MAP3K5: variants seen among roughly 807,000 people sequenced by gnomAD.
The protein encoded by MAP3K5 is mitogen-activated protein kinase kinase kinase 5.
A neutral mutation model predicts 158.7 loss-of-function variants in MAP3K5; 56 were observed. The ratio of observed to expected loss-of-function variants is 0.35; its 90% confidence interval spans 0.28 to 0.44. The LOEUF (loss-of-function observed/expected upper bound fraction) is 0.44. MAP3K5 is among the 20% of genes least tolerant of loss of function. The pLI, the probability that MAP3K5 is intolerant of heterozygous loss-of-function variation, is 1.00. For synonymous variants in MAP3K5, 579 were observed against 601.7 expected, an observed-to-expected ratio of 0.96 and a Z score of 0.55; for missense variants, 1,294 against 1,674.8, an observed-to-expected ratio of 0.77 and a Z score of 3.97.
intron 1 of MAP3K5, among the ~76,000 whole-genome samples, chr6:136,739,694 G>A (rs1751075318): frequency 6.6e-6 from 1 of 152,140 alleles, no homozygotes; most frequent in Non-Finnish European, 1.5e-5. Context: ...ACTATTTTGG[G>A]GGGTCTGAAG....
At position 136,624,031 on chromosome 6, in the gene MAP3K5, T is replaced by C. The variant is rs1235419436; in HGVS notation, c.2017-1050A>G. 2.0e-5 allele frequency among the ~76,000 whole-genome samples: 3 copies of C among 152,068 alleles called. No individual in the cohort carries two copies. In the East Asian group the frequency reaches 5.8e-4, roughly 29 times the overall value. Reference sequence around the variant, plus strand: ...CAACATGGCAAAACCCTGTCTCTACTGAAAATACAAAAATTAGCTGGGTAT... The same window carrying C: ...CAACATGGCAAAACCCTGTCTCTACCGAAAATACAAAAATTAGCTGGGTAT... On this transcript the variant is annotated intron_variant, in intron 14 of 29. Transcript: ENST00000359015.
chr6:136,611,149 GAAAA>G (rs1192789399), intron 18 of MAP3K5, 129 bp downstream of exon 18: 1 of 179,978 alleles, frequency 5.6e-6, no homozygotes, highest in African/African-American at 3.2e-5. Flanking sequence ...GAAAAGAAAA[GAAAA>G]GAAAGAAAAA....
At chr6:136,679,200 GTGA>G (rs1385965913) in intron 7 of MAP3K5, among the ~76,000 whole-genome samples, 1 of 152,186 alleles carries the variant, frequency 6.6e-6, no homozygotes, top group East Asian at 1.9e-4. Flanking sequence ...TTGATATAGA[GTGA>G]TGAAGTCTTC....
In MAP3K5 at chr6:136,570,830, A is replaced by G. The variant is rs115680173; in HGVS notation, c.3518-2956T>C. Among the ~76,000 whole-genome samples the G allele has an allele frequency of 4.9e-3, 740 of 152,314 alleles. 5 individuals are homozygous for G. Among genetic ancestry groups the G allele is most frequent in the African/African-American group, 0.017 (709 of 41,578 alleles). On this transcript the variant is annotated intron_variant, in intron 25 of 29. Coordinates refer to ENST00000359015, the MANE Select transcript of MAP3K5 (RefSeq NM_005923.4). ...TCCCTCTTCTCAGTTTCTGGAAACT[A>G]CCGTTCTACTTTCTGTTTCTATGAA...
chr6:136,713,121 G>C (rs1781380690), intron 2 of MAP3K5, among the ~76,000 whole-genome samples: 1 of 152,192 alleles, frequency 6.6e-6, no homozygotes, highest in Non-Finnish European at 1.5e-5. Context: ...CACAGAAAGA[G>C]TCATTTATAT....
chr6:136,792,325 G>A lies in MAP3K5; in HGVS notation c.-168C>T. On this transcript the variant is annotated 5_prime_UTR_variant, in exon 1 of 30. Coordinates refer to ENST00000359015, the MANE Select transcript of MAP3K5 (RefSeq NM_005923.4). This position sits in a 1 kb window ranked among gnomAD's most constrained non-coding sequence, Gnocchi z 5.7. ...CTCTCCGGCGCCCTCTCCCCCGAGGGCACGCCGCTGCCCGGCGGCGGCTCG... is the reference window on the plus strand; with the variant it reads ...CTCTCCGGCGCCCTCTCCCCCGAGGACACGCCGCTGCCCGGCGGCGGCTCG... 1 of 1,014,336 alleles carries A rather than the reference G, an allele frequency of 9.9e-7. No homozygotes were observed. Among genetic ancestry groups the A allele is most frequent in the Non-Finnish European group, 1.2e-6 (1 of 853,420 alleles). The allele number at this position is 1,014,336 out of a possible 1,614,324, so 62.8% of individuals were successfully genotyped here.
At chr6:136,629,159 A>G (rs1777187940) in intron 14 of MAP3K5, 2 of 152,200 alleles carry the variant, frequency 1.3e-5, no homozygotes, top group South Asian at 4.1e-4. Flanking sequence ...CAGTGTAGGA[A>G]GGCAACATTG....
At chr6:136,760,292 A>G (rs1783691044) in intron 1 of MAP3K5, among the ~76,000 whole-genome samples, 1 of 152,188 alleles carries the variant, frequency 6.6e-6, no homozygotes, top group Non-Finnish European at 1.5e-5. Context: ...CCTTATAGAA[A>G]CAACAAACAT....
intron 1 of MAP3K5, among the ~76,000 whole-genome samples, chr6:136,738,064 A>G (rs1050066533): frequency 1.4e-4 from 21 of 152,190 alleles, no homozygotes; most frequent in Admixed American, 1.2e-3. Context: ...CACCCACCGA[A>G]TGAGAAATGG....
chr6:136,590,995 G>A (rs1178247038), intron 23 of MAP3K5, among the ~76,000 whole-genome samples: 3 of 152,154 alleles, frequency 2.0e-5, no homozygotes, highest in South Asian at 2.1e-4. Context: ...TGAATCATGG[G>A]GGTGGGTCTT....
At chr6:136,594,130 C>G (rs1027062130) in intron 21 of MAP3K5, among the ~76,000 whole-genome samples, 4 of 152,162 alleles carry the variant, frequency 2.6e-5, no homozygotes. Flanking sequence ...GCTGAATTGA[C>G]CAATTAAGTA....
chr6:136,659,755 G>A (rs893021133), intron 8 of MAP3K5, among the ~76,000 whole-genome samples: 5 of 152,210 alleles, frequency 3.3e-5, no homozygotes, highest in Non-Finnish European at 7.3e-5. Context: ...CGTGTACAGA[G>A]TTTTAATTTG....
intron 7 of MAP3K5, among the ~76,000 whole-genome samples, chr6:136,689,377 T>C (rs1338431409): frequency 6.6e-6 from 1 of 152,208 alleles, no homozygotes; most frequent in Non-Finnish European, 1.5e-5. Flanking sequence ...AAATTCATAG[T>C]ACAAATTTAG....
chr6:136,703,143 C>T (rs1780925203), intron 3 of MAP3K5, among the ~76,000 whole-genome samples: 1 of 152,056 alleles, frequency 6.6e-6, no homozygotes, highest in Non-Finnish European at 1.5e-5. Flanking sequence ...TCTCAGCATT[C>T]AAATGTATTG....
In MAP3K5 at chr6:136,629,207, T is replaced by G. The variant is rs1232247200; in HGVS notation, c.2017-6226A>C. 3.9e-5 allele frequency: 6 copies of G among 152,288 alleles called. No homozygotes were observed. In the East Asian group the frequency reaches 7.7e-4, roughly 20 times the overall value. 9.4% of individuals were successfully genotyped at this position (152,288 alleles called of 1,614,324 possible). A position where few individuals can be genotyped will look rare whatever the true frequency, so the allele number is the denominator to read the frequency against. On this transcript the variant is annotated intron_variant, in intron 14 of 29. Transcript: ENST00000359015. Reference sequence around the variant, plus strand: ...AACGAAGTGGTGACTCACTGAGTCCTTGCACTCTCGAAGGAAACAACCACC... The same window carrying G: ...AACGAAGTGGTGACTCACTGAGTCCGTGCACTCTCGAAGGAAACAACCACC...
intron 18 of MAP3K5, among the ~76,000 whole-genome samples, 175 bp downstream of exon 18, chr6:136,611,107 C>CAAAAAAAAAAAAAAAAAA (rs59508317): frequency 1.3e-3 from 31 of 24,454 alleles, no homozygotes; most frequent in South Asian, 2.8e-3. Context: ...GACCCTGTCT[C>CAAAAAAAAAAAAAAAAAA]AAAAAAAAAA....
chr6:136,632,501 A>G (rs1372512989), intron 14 of MAP3K5, among the ~76,000 whole-genome samples: 1 of 152,210 alleles, frequency 6.6e-6, no homozygotes, highest in African/African-American at 2.4e-5. Context: ...TGGGTGACAG[A>G]GTGAGACTCT....
At chr6:136,773,016 T>C (rs1275541008) in intron 1 of MAP3K5, among the ~76,000 whole-genome samples, 1 of 152,198 alleles carries the variant, frequency 6.6e-6, no homozygotes, top group Non-Finnish European at 1.5e-5. Flanking sequence ...CAAATTTCTC[T>C]AAGTTAAGAG....
chr6:136,720,670 G>C, intron 1 of MAP3K5, 81 bp from the exon 2 acceptor site: 2 of 1,017,196 alleles, frequency 2.0e-6, no homozygotes, highest in Non-Finnish European at 2.8e-6. Flanking sequence ...AATTATCTTA[G>C]TATTCAAAAG....
Sources: gnomAD v4.1 joint callset for allele counts (sites outside exome capture counted in the v4.1 genomes callset) on GRCh38, gnomAD v4.1.1 for gene constraint, Gnocchi (gnomAD v3.1) non-coding constraint, MANE v1.5 for transcripts, NCBI Gene and HGNC (gene_info 2026-07-23, HGNC 2026-07-21) for gene names.